The following IFI44 variants were observed in gnomAD, a reference collection of about 807,000 sequenced individuals.
The protein encoded by IFI44 is interferon induced protein 44.
In IFI44, 42 loss-of-function variants were observed where a neutral mutation model predicts 45.0. That is an observed-to-expected ratio of 0.93 (90% CI 0.73 to 1.21). The LOEUF is 1.21. IFI44 is among the 50% of genes most tolerant of loss of function. The pLI is 0.00. For synonymous variants in IFI44, 221 were observed against 188.6 expected (o/e 1.17, Z -1.41); for missense variants, 623 against 525.8 (o/e 1.18, Z -1.81).
At chr1:78,663,615 T>C (rs1647597002) in intron 8 of IFI44, 150 bp from the exon 9 acceptor site, 1 of 1,387,252 alleles carries the variant, frequency 7.2e-7, no homozygotes, top group African/African-American at 1.5e-5. Context: ...AACTCTGCCA[T>C]CTTGGTTTCC....
At chr1:78,652,006 C>A (rs1176032857) in intron 2 of IFI44, among the ~76,000 whole-genome samples, 3 of 152,034 alleles carry the variant, frequency 2.0e-5, no homozygotes, top group African/African-American at 4.8e-5. Flanking sequence ...AGTTTATGGG[C>A]CACTTTACAT....
At chr1:78,652,810 A>T (rs1647145767) in intron 2 of IFI44, among the ~76,000 whole-genome samples, 1 of 152,186 alleles carries the variant, frequency 6.6e-6, no homozygotes, top group South Asian at 2.1e-4. Flanking sequence ...TGGTACATAT[A>T]ATTGTTTTTT....
chr1:78,651,525 C>T (rs1202168230), intron 2 of IFI44, among the ~76,000 whole-genome samples: 1 of 152,206 alleles, frequency 6.6e-6, no homozygotes, highest in Non-Finnish European at 1.5e-5. Flanking sequence ...ACGTCCTGCT[C>T]TGTGGCCTGG....
chr1:78,650,547 G>A lies in IFI44; in HGVS notation c.352G>A (p.Gly118Arg), dbSNP rs1296396935. The A allele has an allele frequency of 1.2e-6, 2 of 1,613,546 alleles. No individual in the cohort carries two copies. Among genetic ancestry groups the A allele is most frequent in the Non-Finnish European group, 1.7e-6 (2 of 1,179,528 alleles). Residue 118 changes from glycine (G) to arginine (R), a missense_variant, in exon 2 of 9, where the codon GGA becomes AGA. Coordinates refer to ENST00000370747, the MANE Select transcript of IFI44 (RefSeq NM_006417.5). The stretch of plus-strand genomic sequence containing the variant: ...CTCCCCAACTAATTTCCAGATAGAT[G>A]GAAGAAATAGAAAAGTGATTATGGA... ...YNSPTNFQID[G>R]RNRKVIMDLK...
At position 78,659,352 on chromosome 1, in the gene IFI44, A is replaced by G; in HGVS notation, c.881A>G (p.Tyr294Cys). 6.2e-7 allele frequency: 1 copy of G among 1,613,304 alleles called. No homozygotes were observed. The highest frequency in any genetic ancestry group is 8.5e-7 in the Non-Finnish European group (1 of 1,179,380). The change falls in exon 6 of 9, where the codon TAC becomes TGC. Residue 294 changes from tyrosine (Y) to cysteine (C), a missense_variant. Tyr to Cys is a radical substitution (Grantham distance 194, BLOSUM62 -2). Transcript: ENST00000370747. ...MESIKLNHHD[Y>C]IDSPSLKDRI... ...TCAATCAAATTAAATCATCATGACTACATTGATTCCCCATCGCTGAAGGAC... is the reference window on the plus strand; with the variant it reads ...TCAATCAAATTAAATCATCATGACTGCATTGATTCCCCATCGCTGAAGGAC...
chr1:78,656,408 A>G (rs1012153551), intron 5 of IFI44, among the ~76,000 whole-genome samples: 32 of 152,260 alleles, frequency 2.1e-4, no homozygotes, highest in African/African-American at 7.0e-4. Flanking sequence ...TGCCAGCATC[A>G]CTGAATGCCT....
intron 6 of IFI44, 125 bp from the exon 7 acceptor site, chr1:78,660,429 G>A (rs954143669): frequency 1.7e-5 from 11 of 665,346 alleles, no homozygotes; most frequent in African/African-American, 1.3e-4. Flanking sequence ...GAGGGTGACC[G>A]GGGTGTGGGG....
Position 78,659,390 on chromosome 1 carries a change from G to A in IFI44, c.919G>A (p.Val307Met), listed in dbSNP as rs1234387092. The change falls in exon 6 of 9, where the codon GTG (valine) becomes ATG (methionine). Residue 307 changes from valine (V) to methionine (M), a missense_variant. Physicochemically the swap from Val to Met is conservative, Grantham distance 21. Coordinates refer to ENST00000370747, the MANE Select transcript of IFI44 (RefSeq NM_006417.5). ...SPSLKDRIHC[V>M]AFVFDASSIQ... ...ATCGCTGAAGGACAGAATTCATTGTGTGGCATTTGTATTTGATGCCAGCTC... is the reference window on the plus strand; with the variant it reads ...ATCGCTGAAGGACAGAATTCATTGTATGGCATTTGTATTTGATGCCAGCTC... 2.5e-6 allele frequency: 4 copies of A among 1,612,430 alleles called. No homozygotes were observed. The highest frequency in any genetic ancestry group is 3.4e-6 in the Non-Finnish European group (4 of 1,178,692).
At chr1:78,652,181 A>C (rs1647135142) in intron 2 of IFI44, among the ~76,000 whole-genome samples, 4 of 152,130 alleles carry the variant, frequency 2.6e-5, no homozygotes, top group African/African-American at 4.8e-5. Flanking sequence ...CCGCGGGATC[A>C]AGTAATTCTC....
At chr1:78,650,130 C>A (rs1647096981) in intron 1 of IFI44, 56 bp from the exon 2 acceptor site, 6 of 1,267,668 alleles carry the variant, frequency 4.7e-6, no homozygotes, top group Non-Finnish European at 6.5e-6. Flanking sequence ...AATTTTATAA[C>A]TACATATTAT....
Position 78,664,031 on chromosome 1 carries a change from T to C in IFI44, c.*220T>C, listed in dbSNP as rs373658501. 5.4e-6 allele frequency: 2 copies of C among 372,066 alleles called. No homozygotes were observed. The highest frequency in any genetic ancestry group is 9.8e-5 in the South Asian group (1 of 10,204). 23.0% of individuals were successfully genotyped at this position (372,066 alleles called of 1,614,324 possible). Reference sequence around the variant, plus strand: ...ATAATAATAATTTTTCTTGGATTTATGTTCTGTATCTGTGAAAAAATAAAT... The same window carrying C: ...ATAATAATAATTTTTCTTGGATTTACGTTCTGTATCTGTGAAAAAATAAAT... On this transcript the variant is annotated 3_prime_UTR_variant, in exon 9 of 9. Coordinates refer to ENST00000370747, the MANE Select transcript of IFI44 (RefSeq NM_006417.5).
intron 5 of IFI44, among the ~76,000 whole-genome samples, chr1:78,657,550 T>A (rs1360941335): frequency 6.6e-6 from 1 of 152,128 alleles, no homozygotes; most frequent in East Asian, 1.9e-4. Context: ...AATGTTTAAT[T>A]CCTAGATCCA....
At position 78,660,611 on chromosome 1, in the gene IFI44, G is replaced by A; in HGVS notation, c.1070G>A (p.Gly357Asp). ...HVDSMDLITK[G>D]DLIEIERCEP... ...GATAGCATGGATTTGATTACAAAAG[G>A]TGACCTTATAGAAATAGAGAGATGT... is the stretch of plus-strand genomic sequence containing the variant. The change falls in exon 7 of 9, where the codon GGT becomes GAT. Residue 357 changes from glycine to aspartate, a missense_variant. Transcript: ENST00000370747. The A allele has an allele frequency of 1.2e-6, 2 of 1,613,692 alleles. No homozygotes were observed. Among genetic ancestry groups the A allele is most frequent in the Non-Finnish European group, 1.7e-6 (2 of 1,179,710 alleles).
At chr1:78,660,748 G>T in intron 7 of IFI44, 94 bp downstream of exon 7, 1 of 843,296 alleles carries the variant, frequency 1.2e-6, no homozygotes, top group Non-Finnish European at 2.0e-6. Context: ...GCAGCTACTG[G>T]GTTTAAGAAG....
rs1353949005 is a variant in IFI44, at chr1:78,650,579, G to C, written c.384G>C (p.Lys128Asn). 1 of 1,612,640 alleles carries C rather than the reference G, an allele frequency of 6.2e-7. No individual in the cohort carries two copies. Among genetic ancestry groups the C allele is most frequent in the Admixed American group, 1.7e-5 (1 of 59,754 alleles). The stretch of plus-strand genomic sequence containing the variant: ...ATAGAAAAGTGATTATGGACTTAAA[G>C]ACAATGGAAAATCTTGGACTTGCTC... ...GRNRKVIMDL[K>N]TMENLGLAQN... Residue 128 changes from lysine (K) to asparagine (N), a missense_variant, in exon 2 of 9, where the codon AAG becomes AAC. By Grantham distance (94) the Lys-to-Asn change is moderately conservative. Coordinates refer to ENST00000370747, the MANE Select transcript of IFI44 (RefSeq NM_006417.5).
At chr1:78,663,153 A>G in intron 8 of IFI44, 1 of 985,282 alleles carries the variant, frequency 1.0e-6, no homozygotes, top group African/African-American at 1.7e-5. Flanking sequence ...CCACTCTCTG[A>G]ACATCCCAAG....
chr1:78,653,684 T>G (rs1396720713), intron 2 of IFI44, among the ~76,000 whole-genome samples: 1 of 152,138 alleles, frequency 6.6e-6, no homozygotes, highest in Non-Finnish European at 1.5e-5. Context: ...TCTGGTTGGG[T>G]AGGCATGAGT....
At chr1:78,662,183 G>C (rs1647498021) in intron 7 of IFI44, among the ~76,000 whole-genome samples, 1 of 152,142 alleles carries the variant, frequency 6.6e-6, no homozygotes, top group Non-Finnish European at 1.5e-5. Flanking sequence ...GTATGTGATA[G>C]ATTTTCTTAA....
At chr1:78,652,088 C>A (rs1647133344) in intron 2 of IFI44, among the ~76,000 whole-genome samples, 1 of 152,072 alleles carries the variant, frequency 6.6e-6, no homozygotes, top group Admixed American at 6.5e-5. Flanking sequence ...TCCATGGAAT[C>A]TGGATTTTTT....
Sources: gnomAD v4.1 joint callset for allele counts (sites outside exome capture counted in the v4.1 genomes callset) on GRCh38, gnomAD v4.1.1 for gene constraint, MANE v1.5 for transcripts, NCBI Gene and HGNC (gene_info 2026-07-23, HGNC 2026-07-21) for gene names.